The following NBPF20 variants were observed in gnomAD, a reference collection of about 807,000 sequenced individuals.
NBPF20 encodes NBPF member 20.
A neutral mutation model predicts 68.1 loss-of-function variants in NBPF20; 90 were observed. That is an observed-to-expected ratio of 1.32 (90% CI 1.11 to 1.58). NBPF20 has a LOEUF of 1.58. NBPF20 is among the 40% of genes most tolerant of loss of function. NBPF20 has a pLI of 0.00. For synonymous variants in NBPF20, 290 were observed against 228.1 expected (o/e 1.27, Z -2.45); for missense variants, 816 against 601.2 (o/e 1.36, Z -3.74).
At chr1:145,402,932 G>A (rs1353324752) in intron 3 of NBPF20, among the ~76,000 whole-genome samples, 12 of 151,458 alleles carry the variant, frequency 7.9e-5, no homozygotes, top group Non-Finnish European at 1.2e-4. Flanking sequence ...ACTGAATGCT[G>A]CTGTGTGGTT....
At chr1:145,408,709 G>C (rs1247600438), upstream of NBPF20, among the ~76,000 whole-genome samples, 1 of 151,860 alleles carries the variant, frequency 6.6e-6, no homozygotes, top group African/African-American at 2.4e-5. Flanking sequence ...TAACAAAATT[G>C]AGTCTTCCAA....
the NBPF20 span, among the ~76,000 whole-genome samples, chr1:145,411,387 CT>C: frequency 0.066 from 7,004 of 106,168 alleles, 123 homozygotes; most frequent in African/African-American, 0.14. Flanking sequence ...GTTGACTTTC[CT>C]TTTTTTTTTT....
the NBPF20 span, among the ~76,000 whole-genome samples, chr1:145,410,728 GCC>G: frequency 3.7e-4 from 41 of 109,862 alleles, 1 homozygote; most frequent in South Asian, 7.7e-3. Flanking sequence ...GTGTGTGTGT[GCC>G]TGTCTGTGTA....
At chr1:145,415,150 T>C in the NBPF20 span, among the ~76,000 whole-genome samples, 6 of 151,796 alleles carry the variant, frequency 4.0e-5, no homozygotes, top group Non-Finnish European at 7.4e-5. Context: ...CAAATGTCTC[T>C]GCATCATAAA....
the NBPF20 span, among the ~76,000 whole-genome samples, chr1:145,423,978 T>TC: frequency 2.8e-5 from 4 of 142,604 alleles, no homozygotes; most frequent in Admixed American, 2.1e-4. Flanking sequence ...ACCTGTACTT[T>TC]TTTTTTTTTT....
Position 145,403,196 on chromosome 1 carries a change from C to T in NBPF20, c.278+20G>A. 4 of 1,612,300 alleles carry T rather than the reference C, an allele frequency of 2.5e-6. No individual in the cohort carries two copies. The highest frequency in any genetic ancestry group is 2.5e-6 in the Non-Finnish European group (3 of 1,180,004). On this transcript the variant is annotated intron_variant, in intron 3 of 137. Coordinates refer to ENST00000369373, the Ensembl canonical transcript of NBPF20. The stretch of plus-strand genomic sequence containing the variant: ...ATTTACACACCTGCCCCCCTGCCTG[C>T]CACCATGGGGTCCCCTCACCTGAGC...
the NBPF20 span, among the ~76,000 whole-genome samples, chr1:145,422,060 G>A: frequency 1.3e-5 from 2 of 151,478 alleles, no homozygotes; most frequent in Admixed American, 1.3e-4. Flanking sequence ...AAAATGGTTC[G>A]ATGTAGTCCT....
At chr1:145,291,261 A>C in exon 138 of NBPF20, 4 of 600,298 alleles carry the variant, frequency 6.7e-6, no homozygotes, top group Middle Eastern at 4.6e-4. Context: ...CTACCCAGAG[A>C]TACGTGGTTC....
At chr1:145,415,268 G>A in the NBPF20 span, among the ~76,000 whole-genome samples, 68 of 151,800 alleles carry the variant, frequency 4.5e-4, no homozygotes, top group Middle Eastern at 3.4e-3. Context: ...GTCCTAAGGC[G>A]GTTTTCTCCT....
At chr1:145,409,401 CGACT>C (rs1471949124), upstream of NBPF20, among the ~76,000 whole-genome samples, 4 of 149,220 alleles carry the variant, frequency 2.7e-5, no homozygotes, top group East Asian at 3.9e-4. Flanking sequence ...GTTTCAGTAC[CGACT>C]GAGTGGTTCA....
chr1:145,409,966 A>C (rs1211168826), upstream of NBPF20, among the ~76,000 whole-genome samples: 2 of 152,010 alleles, frequency 1.3e-5, no homozygotes, highest in Non-Finnish European at 2.9e-5. Context: ...TTACGGAGCC[A>C]CGAGAAACAG....
In NBPF20 at chr1:145,291,759, C is replaced by A. The variant is rs200471641; in HGVS notation, c.16708G>T (p.Val5570Leu). 4.3e-4 allele frequency: 686 copies of A among 1,611,790 alleles called. 3 individuals carry two copies. The highest frequency in any genetic ancestry group is 1.4e-3 in the Middle Eastern group (6 of 4,430). Residue 5570 changes from valine to leucine, a missense_variant, in exon 138 of 138, where the codon GTG (valine) becomes TTG (leucine). By Grantham distance (32) the Val-to-Leu change is conservative (BLOSUM62 1). Transcript: ENST00000369373. The stretch of plus-strand genomic sequence containing the variant: ...TCAGGCTCTTCCACTTCCATCAGCA[C>A]GCCGTTGAGCCTGGAAAAGGAGACA...
intron 7 of NBPF20, among the ~76,000 whole-genome samples, chr1:145,398,180 A>G (rs1480986410): frequency 2.6e-5 from 4 of 151,926 alleles, no homozygotes; most frequent in Admixed American, 2.0e-4. Context: ...AATGAGACAG[A>G]AGCTTAACAA....
At chr1:145,309,481 G>C (rs1421659957) in intron 115 of NBPF20, among the ~76,000 whole-genome samples, 19 of 70,618 alleles carry the variant, frequency 2.7e-4, no homozygotes, top group African/African-American at 4.4e-4. Flanking sequence ...CACACACACA[G>C]ACACACACAC....
rs782304417 is a variant in NBPF20 at position 145,292,364 on chromosome 1, C to T, written c.16697+17G>A. 8.1e-5 allele frequency: 54 copies of T among 668,384 alleles called. No homozygotes were observed. In the East Asian group the frequency reaches 1.3e-3, roughly 16 times the overall value. The allele number at this position is 668,384 out of a possible 1,614,324, so 41.4% of individuals were successfully genotyped here. A position where few individuals can be genotyped will look rare whatever the true frequency, so the allele number is the denominator to read the frequency against. ...GTGTTAACACAGAATTAAGCATCCACAATTGCTGAAAGTCACCTGGGGCAT... is the reference window on the plus strand; with the variant it reads ...GTGTTAACACAGAATTAAGCATCCATAATTGCTGAAAGTCACCTGGGGCAT... On this transcript the variant is annotated intron_variant, in intron 137 of 137. Coordinates refer to ENST00000369373, the Ensembl canonical transcript of NBPF20.
At chr1:145,312,265 T>C (rs1661504361) in exon 112 of NBPF20, 1 of 136,602 alleles carries the variant, frequency 7.3e-6, no homozygotes. Context: ...AAGGCACTTC[T>C]GTAGGGCTGG....
chr1:145,393,764 G>C (rs1662064462), intron 9 of NBPF20, 120 bp downstream of exon 14: 1 of 1,498,644 alleles, frequency 6.7e-7, no homozygotes, highest in South Asian at 1.1e-5. Context: ...AATGTAGTAG[G>C]CATAATTCAG....
At position 145,393,090 on chromosome 1, in the gene NBPF20, C is replaced by T. The variant is rs1345632819; in HGVS notation, c.1200G>A (p.Leu400=). Residue 400 remains leucine, a synonymous_variant, in exon 10 of 138, where the codon TTG becomes TTA. Transcript: ENST00000369373. ...GGTACTCACCATCCATGTCAACAGC[C>T]AAGCCAATACGCTGTTGCTCCAATA... 13 of 617,160 alleles carry T rather than the reference C, an allele frequency of 2.1e-5. 1 individual carries two copies. 38.2% of individuals were successfully genotyped at this position (617,160 alleles called of 1,614,324 possible). A position where few individuals can be genotyped will look rare whatever the true frequency, so the allele number is the denominator to read the frequency against.
chr1:145,403,297 A>G (rs1662613269), exon 3 of NBPF20: 1 of 1,609,920 alleles, frequency 6.2e-7, no homozygotes, highest in African/African-American at 1.3e-5. Flanking sequence ...AGATTTTATG[A>G]GGTCTTTGCA....
Sources: allele counts gnomAD v4.1 joint callset (sites outside exome capture counted in the v4.1 genomes callset), GRCh38; gene constraint gnomAD v4.1.1; transcripts MANE v1.5; gene names NCBI Gene and HGNC (gene_info 2026-07-23, HGNC 2026-07-21).